SIN3A: variants seen among roughly 807,000 people sequenced by gnomAD.
SIN3A encodes paired amphipathic helix protein Sin3a.
SIN3A carries 14 observed loss-of-function variants against 146.1 expected under a neutral mutation model. That is an observed-to-expected ratio of 0.10 (90% confidence interval 0.06 to 0.15). SIN3A has a LOEUF of 0.15. Ranked by LOEUF, SIN3A falls within the 10% of genes least tolerant of loss-of-function variation. The probability of loss-of-function intolerance (pLI) is 1.00; values close to 1 mark genes in which losing one functional copy is unlikely to be tolerated. For synonymous variants in SIN3A, 572 were observed against 572.0 expected, an observed-to-expected ratio of 1.00 and a Z score of 0.00; for missense variants, 1,028 against 1,576.0, an observed-to-expected ratio of 0.65 and a Z score of 5.89.
chr15:75,450,885 G>A (rs976951929), intron 1 of SIN3A, among the ~76,000 whole-genome samples: 1 of 152,204 alleles, frequency 6.6e-6, no homozygotes, highest in African/African-American at 2.4e-5. Context: ...CGGGGTGCAG[G>A]GGGGGACGGC....
chr15:75,413,070 G>A (rs746274015), intron 4 of SIN3A, 25 bp from the exon 5 acceptor site: 123 of 1,579,834 alleles, frequency 7.8e-5, no homozygotes, highest in Non-Finnish European at 9.9e-5. Flanking sequence ...AAAGAAAAGT[G>A]ATAAACTGTA....
intron 1 of SIN3A, among the ~76,000 whole-genome samples, chr15:75,437,962 T>C (rs941063462): frequency 6.6e-6 from 1 of 151,662 alleles, no homozygotes; most frequent in African/African-American, 2.4e-5. Context: ...GGAGGTTAGA[T>C]TAAGCAAGAT....
intron 2 of SIN3A, 46 bp downstream of exon 2, chr15:75,430,141 C>T: frequency 6.7e-7 from 1 of 1,496,638 alleles, no homozygotes; most frequent in Non-Finnish European, 9.3e-7. Flanking sequence ...CCTAAAACCA[C>T]TATTTCTCTT....
intron 5 of SIN3A, 84 bp from the exon 6 acceptor site, chr15:75,411,827 G>T: frequency 7.1e-7 from 1 of 1,406,136 alleles, no homozygotes; most frequent in Non-Finnish European, 9.7e-7. Context: ...GAAACAAGGT[G>T]TCAACGTATA....
chr15:75,373,513 A>T (rs961176981), intron 20 of SIN3A, among the ~76,000 whole-genome samples: 26 of 152,304 alleles, frequency 1.7e-4, no homozygotes, highest in Admixed American at 1.2e-3. Context: ...GATGAGAATA[A>T]GGACCCTTTA....
chr15:75,400,187 A>T (rs1184491814), intron 11 of SIN3A, 31 bp from the exon 12 acceptor site: 1 of 1,211,656 alleles, frequency 8.3e-7, no homozygotes. Context: ...ACTGAAACAA[A>T]AGCCTAAAAA....
intron 3 of SIN3A, chr15:75,415,560 A>G (rs2073717796): frequency 1.0e-5 from 2 of 192,200 alleles, no homozygotes; most frequent in African/African-American, 2.4e-5. Flanking sequence ...CCAACCCTAA[A>G]AAGGATGCAG....
At chr15:75,437,688 A>G (rs1435143910) in intron 1 of SIN3A, among the ~76,000 whole-genome samples, 1 of 152,200 alleles carries the variant, frequency 6.6e-6, no homozygotes, top group Non-Finnish European at 1.5e-5. Flanking sequence ...AGTCAGCCAC[A>G]AAAGTACTGT....
intron 1 of SIN3A, among the ~76,000 whole-genome samples, chr15:75,439,416 C>T (rs2074161339): frequency 6.6e-6 from 1 of 151,974 alleles, no homozygotes; most frequent in Non-Finnish European, 1.5e-5. Context: ...TCTTGGCTCA[C>T]TGCAAGCTCC....
At chr15:75,445,380 CAAAAAAAAAA>C (rs10539996) in intron 1 of SIN3A, among the ~76,000 whole-genome samples, 4 of 63,606 alleles carry the variant, frequency 6.3e-5, no homozygotes, top group Admixed American at 4.1e-4. Context: ...GACACTGTCT[CAAAAAAAAAA>C]AAAAAAAAAA....
intron 13 of SIN3A, 37 bp downstream of exon 13, chr15:75,396,221 G>T: frequency 7.1e-7 from 1 of 1,417,732 alleles, no homozygotes; most frequent in Non-Finnish European, 9.9e-7. Context: ...CGGTAGTGAA[G>T]TACACTAAAG....
intron 3 of SIN3A, chr15:75,421,646 CATT>C (rs1287578785): frequency 6.6e-6 from 1 of 152,196 alleles, no homozygotes; most frequent in Non-Finnish European, 1.5e-5. Context: ...GTTTATTTCT[CATT>C]CGTGCCTGCA....
intron 16 of SIN3A, among the ~76,000 whole-genome samples, chr15:75,387,649 CTATT>C (rs1307184966): frequency 3.5e-5 from 5 of 143,352 alleles, no homozygotes; most frequent in African/African-American, 7.8e-5. Flanking sequence ...ATAATTGTAA[CTATT>C]GTTTCGAAAA....
At chr15:75,422,849 A>G (rs1248182599) in intron 2 of SIN3A, 26 bp from the exon 3 acceptor site, 1 of 1,599,930 alleles carries the variant, frequency 6.3e-7, no homozygotes, top group Admixed American at 1.7e-5. Context: ...TACAGACAGG[A>G]AACTTCAAGG....
chr15:75,454,339 G>C (rs752322758), upstream of SIN3A, among the ~76,000 whole-genome samples: 22 of 152,136 alleles, frequency 1.4e-4, no homozygotes, highest in Non-Finnish European at 2.5e-4. Flanking sequence ...GAGAGGAAAG[G>C]GGTCCGCCCC....
chr15:75,407,096 T>C lies in SIN3A; in HGVS notation c.1366A>G (p.Ser456Gly). 1 of 1,613,380 alleles carries C rather than the reference T, an allele frequency of 6.2e-7. No homozygotes were observed. The highest frequency in any genetic ancestry group is 8.5e-7 in the Non-Finnish European group (1 of 1,179,638). Residue 456 changes from serine to glycine, a missense_variant, in exon 9 of 21, where the codon AGC becomes GGC. By Grantham distance (56) the Ser-to-Gly change is moderately conservative. Coordinates refer to ENST00000394947, the MANE Select transcript of SIN3A (RefSeq NM_001145358.2). ...NLKDSSMADA[S>G]KHGGGTESLF... ...GATTCTGTTCCACCACCATGTTTGC[T>C]GGCATCTGCCATAGAAGAATCCTTC...
upstream of SIN3A, among the ~76,000 whole-genome samples, chr15:75,451,913 A>G (rs2141653448): frequency 6.6e-6 from 1 of 151,374 alleles, no homozygotes; most frequent in Admixed American, 6.6e-5. Context: ...AACCCCGCCT[A>G]TTGGAGACGG....
rs200308882 is a variant in SIN3A, at chr15:75,372,165, G to A, written c.3636C>T (p.Ala1212=). 3.8e-5 allele frequency: 61 copies of A among 1,613,878 alleles called. No individual in the cohort carries two copies. The East Asian group carries it at 1.3e-3, about 35-fold the overall frequency. ...VSKRLHQRFQ[A]WVDKWTKEHV... ...GCTCCTTGGTCCATTTATCTACCCA[G>A]GCCTGGAATCTCTGATGTAGACGCT... The change falls in exon 21 of 21, where the codon GCC becomes GCT. Residue 1212 remains alanine, a synonymous_variant. Transcript: ENST00000394947.
chr15:75,411,834 T>C, intron 5 of SIN3A, 91 bp from the exon 6 acceptor site: 2 of 1,359,808 alleles, frequency 1.5e-6, no homozygotes, highest in Non-Finnish European at 2.0e-6. Flanking sequence ...GGTGTCAACG[T>C]ATATCCTTTA....
Sources: gnomAD v4.1 joint callset for allele counts (sites outside exome capture counted in the v4.1 genomes callset) on GRCh38, gnomAD v4.1.1 for gene constraint, MANE v1.5 for transcripts, NCBI Gene and HGNC (gene_info 2026-07-23, HGNC 2026-07-21) for gene names.